Variants in PMPCA observed in about 807,000 individuals in gnomAD.
PMPCA encodes the protein mitochondrial-processing peptidase subunit alpha.
In PMPCA, 47 loss-of-function variants were observed where a neutral mutation model predicts 59.3. The observed-to-expected ratio is 0.79, with a 90% CI of 0.63 to 1.01. The LOEUF is 1.01. Ranked by LOEUF, PMPCA falls within the 50% of genes least tolerant of loss-of-function variation. PMPCA has a pLI of 0.00. For missense variants in PMPCA, 726 were observed against 704.5 expected, an observed-to-expected ratio of 1.03 and a Z score of -0.34; for synonymous variants, 338 against 290.3, an observed-to-expected ratio of 1.16 and a Z score of -1.67.
chr9:136,421,968 C>T lies in PMPCA; in HGVS notation c.1400C>T (p.Thr467Met), dbSNP rs750600439. The T allele has an allele frequency of 2.1e-5, 34 of 1,611,144 alleles. No individual in the cohort carries two copies. The East Asian group carries it at 2.2e-4, about 11-fold the overall frequency. ...AGAAAGCTGCCGCACGAGCTGTGCACGCTCATCCGTGAGTACCGCAGGGGT... is the reference window on the plus strand; with the variant it reads ...AGAAAGCTGCCGCACGAGCTGTGCATGCTCATCCGTGAGTACCGCAGGGGT... ...RSRKLPHELC[T>M]LIRNVKPEDV... is the part of the protein sequence containing the mutation. The change falls in exon 12 of 13, where the codon ACG (threonine) becomes ATG (methionine). Residue 467 changes from threonine (T) to methionine (M), a missense_variant. Thr to Met is a moderately conservative substitution (Grantham distance 81). Transcript: ENST00000371717.
chr9:136,423,157 G>T lies in PMPCA; in HGVS notation c.1471G>T (p.Val491Leu). The stretch of plus-strand genomic sequence containing the variant: ...TAAGATGCTCCGAGGGAAGCCGGCA[G>T]TGGCCGCCCTGGGTGACCTGACTGA... ...ASKMLRGKPAVAALGDLTDLP... is the reference protein window; with the variant it reads ...ASKMLRGKPALAALGDLTDLP... The change falls in exon 13 of 13, where the codon GTG becomes TTG. Residue 491 changes from valine (V) to leucine (L), a missense_variant. Transcript: ENST00000371717. The T allele has an allele frequency of 6.2e-7, 1 of 1,613,804 alleles. No homozygotes were observed. The highest frequency in any genetic ancestry group is 8.5e-7 in the Non-Finnish European group (1 of 1,180,028).
At chr9:136,417,936 C>T (rs1835328203) in intron 7 of PMPCA, 81 bp from the exon 8 acceptor site, 2 of 1,007,572 alleles carry the variant, frequency 2.0e-6, no homozygotes, top group Non-Finnish European at 3.2e-6. Context: ...TGTGTAACCA[C>T]TCTGAAGATG....
In PMPCA at chr9:136,418,831, C is replaced by T. The variant is rs2131591920; in HGVS notation, c.1113C>T (p.His371=). The change falls in exon 10 of 13, where the codon CAC becomes CAT. Residue 371 remains histidine, a synonymous_variant. Coordinates refer to ENST00000371717, the MANE Select transcript of PMPCA (RefSeq NM_015160.3). ...SRLYLNVLNR[H]HWMYNATSYH... ...CATGACTCTCGCTTCCTCCCAGGCA[C>T]CACTGGATGTATAACGCGACCTCCT... 1 of 1,611,232 alleles carries T rather than the reference C, an allele frequency of 6.2e-7. No individual in the cohort carries two copies. The highest frequency in any genetic ancestry group is 2.2e-5 in the East Asian group (1 of 44,874).
At chr9:136,414,911 C>T (rs1018324177) in intron 5 of PMPCA, among the ~76,000 whole-genome samples, 1 of 152,050 alleles carries the variant, frequency 6.6e-6, no homozygotes, top group African/African-American at 2.4e-5. Context: ...CATGGTGAAA[C>T]CCTGTCTCTA....
intron 6 of PMPCA, 116 bp from the exon 7 acceptor site, chr9:136,416,835 T>G (rs1048182611): frequency 1.1e-6 from 1 of 906,866 alleles, no homozygotes; most frequent in Admixed American, 2.8e-5. Flanking sequence ...AAGTAAAATA[T>G]CAGCTTGCGT....
Position 136,414,601 on chromosome 9 carries a change from G to C in PMPCA, c.486G>C (p.Thr162=). The change falls in exon 5 of 13, where the codon ACG becomes ACC. Residue 162 remains threonine (T), a synonymous_variant. Coordinates refer to ENST00000371717, the MANE Select transcript of PMPCA (RefSeq NM_015160.3). ...CTGCTGATAGCAAAGGCTTGGACAC[G>C]GTGGTTGCCTTACTGGCTGATGTGG... ...AVSADSKGLD[T]VVALLADVVL... 6.2e-7 allele frequency: 1 copy of C among 1,613,804 alleles called. No individual in the cohort carries two copies. The highest frequency in any genetic ancestry group is 8.5e-7 in the Non-Finnish European group (1 of 1,179,664).
In PMPCA at chr9:136,419,126, A is replaced by G. The variant is rs373557295; in HGVS notation, c.1263+20A>G. ...GACACGGTAAGTGCAGTGTGGCGCCATTTCCAGGCGTACCTGTGGTGTCTG... is the reference window on the plus strand; with the variant it reads ...GACACGGTAAGTGCAGTGTGGCGCCGTTTCCAGGCGTACCTGTGGTGTCTG... On this transcript the variant is annotated intron_variant, in intron 11 of 12. Transcript: ENST00000371717. 1.9e-6 allele frequency: 3 copies of G among 1,604,792 alleles called. No individual in the cohort carries two copies. Among genetic ancestry groups the G allele is most frequent in the Non-Finnish European group, 2.6e-6 (3 of 1,171,554 alleles).
chr9:136,421,122 G>T lies in PMPCA; in HGVS notation c.1264-710G>T, dbSNP rs1346464610. The stretch of plus-strand genomic sequence containing the variant: ...CCCAGGGACTTTGCTAAAACCAGCT[G>T]CCTGGGCCCTGCGCCGGAGGCGTCT... On this transcript the variant is annotated intron_variant, in intron 11 of 12. Transcript: ENST00000371717. Among the ~76,000 whole-genome samples, 5 of 152,348 alleles carry T rather than the reference G, an allele frequency of 3.3e-5. No homozygotes were observed. In the East Asian group the frequency reaches 7.7e-4, roughly 23 times the overall value.
Position 136,412,528 on chromosome 9 carries a change from C to T in PMPCA, c.313C>T (p.Leu105Phe), listed in dbSNP as rs145709638. The change falls in exon 3 of 13, where the codon CTT becomes TTT. Residue 105 changes from leucine to phenylalanine, a missense_variant. Coordinates refer to ENST00000371717, the MANE Select transcript of PMPCA (RefSeq NM_015160.3). ...AGGATCGAGATATGAAGCGAAATAC[C>T]TTAGTGGAATTGCTCACTTTTTGGA... ...NSGSRYEAKY[L>F]SGIAHFLEKL... is the part of the protein sequence containing the mutation. 60 of 1,601,990 alleles carry T rather than the reference C, an allele frequency of 3.7e-5. No homozygotes were observed. The African/African-American group carries it at 7.1e-4, about 19-fold the overall frequency.
intron 5 of PMPCA, among the ~76,000 whole-genome samples, chr9:136,415,131 C>T (rs1366681638): frequency 1.3e-5 from 2 of 152,118 alleles, no homozygotes; most frequent in Non-Finnish European, 2.9e-5. Context: ...AGTAGCCAGG[C>T]GTGCTGGCTC....
intron 12 of PMPCA, chr9:136,422,287 G>C (rs1350899733): frequency 7.8e-7 from 1 of 1,281,200 alleles, no homozygotes; most frequent in Admixed American, 3.1e-5. Flanking sequence ...TAGGCGAGAA[G>C]GGCTCAGTAG....
rs1252746484 is a variant in PMPCA, at chr9:136,410,677, T to C, written c.9T>C (p.Ala3=). The C allele has an allele frequency of 7.1e-6, 10 of 1,414,118 alleles. No homozygotes were observed. The highest frequency in any genetic ancestry group is 1.7e-5 in the South Asian group (1 of 59,672). 87.6% of individuals were successfully genotyped at this position (1,414,118 alleles called of 1,614,324 possible). MA[A]VVLAATRLLR... ...CGGGGCGGAGACGCAAGATGGCGGC[T>C]GTGGTGCTGGCGGCGACGCGGTTGC... Residue 3 remains alanine (A), a synonymous_variant, in exon 1 of 13, where the codon GCT becomes GCC. Transcript: ENST00000371717.
intron 7 of PMPCA, among the ~76,000 whole-genome samples, chr9:136,417,709 C>T (rs1345505472): frequency 6.6e-6 from 1 of 152,144 alleles, no homozygotes; most frequent in Non-Finnish European, 1.5e-5. Flanking sequence ...CTGCCTCAGC[C>T]TCCCAAAATG....
intron 11 of PMPCA, chr9:136,420,780 A>G (rs1419235822): frequency 2.0e-5 from 3 of 152,214 alleles, no homozygotes; most frequent in Admixed American, 6.5e-5. Context: ...AAGACCTAAG[A>G]ATTGTTTTAC....
chr9:136,416,100 CT>C, intron 5 of PMPCA, 190 bp from the exon 6 acceptor site: 2 of 594,790 alleles, frequency 3.4e-6, no homozygotes, highest in Non-Finnish European at 6.0e-6. Flanking sequence ...CCCAGGTCCC[CT>C]AGCTCCTGCT....
Position 136,412,015 on chromosome 9 carries a change from C to T in PMPCA, c.90C>T (p.Tyr30=), listed in dbSNP as rs10870144. 274,169 of 1,608,390 alleles carry T rather than the reference C, an allele frequency of 0.17. 24,989 individuals are homozygous for T. Among genetic ancestry groups the T allele is most frequent in the Admixed American group, 0.26 (15,491 of 59,948 alleles). Residue 30 remains tyrosine, a synonymous_variant, in exon 2 of 13, where the codon TAC becomes TAT. Coordinates refer to ENST00000371717, the MANE Select transcript of PMPCA (RefSeq NM_015160.3). The part of the protein sequence containing the change: ...CSRLRFGPPA[Y]RRFSSGGAYP... ...GTTTTAGGTTTGGACCTCCTGCGTA[C>T]AGACGGTTTAGTAGTGGTGGTGCCT... is the stretch of plus-strand genomic sequence containing the variant.
intron 5 of PMPCA, among the ~76,000 whole-genome samples, chr9:136,414,852 CAG>C (rs1835231435): frequency 6.6e-6 from 1 of 152,178 alleles, no homozygotes; most frequent in South Asian, 2.1e-4. Context: ...TTGGGAGGCT[CAG>C]GCAGGCAAAT....
rs769521470 is a variant in PMPCA, at chr9:136,418,658, T to C, written c.1094T>C (p.Leu365Pro). 1 of 1,607,472 alleles carries C rather than the reference T, an allele frequency of 6.2e-7. No homozygotes were observed. Among genetic ancestry groups the C allele is most frequent in the East Asian group, 2.2e-5 (1 of 44,850 alleles). ...AAGGGCATGTTCTCCAGGCTCTACC[T>C]CAACGTGCTCAACAGGTGGGTTGCA... ...PGKGMFSRLY[L>P]NVLNRHHWMY... is the part of the protein sequence containing the mutation. The change falls in exon 9 of 13, where the codon CTC (leucine) becomes CCC (proline). Residue 365 changes from leucine (L) to proline (P), a missense_variant. Coordinates refer to ENST00000371717, the MANE Select transcript of PMPCA (RefSeq NM_015160.3).
chr9:136,412,607 T>C (rs1465314610), intron 3 of PMPCA, 38 bp downstream of exon 3: 1 of 1,065,490 alleles, frequency 9.4e-7, no homozygotes, highest in Non-Finnish European at 1.4e-6. Flanking sequence ...GACTATACTT[T>C]TGAAGGATGT....
Sources: allele counts gnomAD v4.1 joint callset (sites outside exome capture counted in the v4.1 genomes callset), GRCh38; gene constraint gnomAD v4.1.1; transcripts MANE v1.5; gene names NCBI Gene and HGNC (gene_info 2026-07-23, HGNC 2026-07-21).